PMM2: variants seen among roughly 807,000 people sequenced by gnomAD.
PMM2 encodes the protein mannose-6-phosphate isomerase.
PMM2 carries 35 observed loss-of-function variants against 33.2 expected under a neutral mutation model. That is an observed-to-expected ratio of 1.06 (90% CI 0.81 to 1.40). The LOEUF is 1.40. PMM2 is among the 40% of genes most tolerant of loss of function. The pLI is 0.00. For missense variants in PMM2, 386 were observed against 306.0 expected, an observed-to-expected ratio of 1.26 and a Z score of -1.95; for synonymous variants, 153 against 114.7, an observed-to-expected ratio of 1.33 and a Z score of -2.13.
At chr16:8,843,939 T>G (rs1182699912) in intron 7 of PMM2, among the ~76,000 whole-genome samples, 2 of 152,000 alleles carry the variant, frequency 1.3e-5, no homozygotes, top group Admixed American at 1.3e-4. Flanking sequence ...GGGTTGGGAC[T>G]GAGGGGACAG....
intron 7 of PMM2, among the ~76,000 whole-genome samples, chr16:8,838,178 T>C (rs1596503587): frequency 6.6e-6 from 1 of 152,034 alleles, no homozygotes; most frequent in African/African-American, 2.4e-5. Context: ...AAGTACATTC[T>C]CAAGAGTGGG....
At chr16:8,844,369 G>C (rs1486450212) in intron 7 of PMM2, among the ~76,000 whole-genome samples, 1 of 152,042 alleles carries the variant, frequency 6.6e-6, no homozygotes, top group African/African-American at 2.4e-5. Flanking sequence ...AGAAAAGCGG[G>C]AAAGGGGTTG....
intron 7 of PMM2, among the ~76,000 whole-genome samples, chr16:8,840,384 AAC>A (rs2060882135): frequency 1.3e-5 from 2 of 151,970 alleles, no homozygotes; most frequent in Non-Finnish European, 2.9e-5. Flanking sequence ...GGCTTGAAGA[AAC>A]AGTGTAAACC....
chr16:8,825,838 C>T (rs1419007789), intron 7 of PMM2, among the ~76,000 whole-genome samples: 2 of 151,050 alleles, frequency 1.3e-5, no homozygotes, highest in African/African-American at 2.4e-5. Flanking sequence ...TCACTGCAAC[C>T]TCTGCCTCTC....
At chr16:8,815,338 G>A (rs535657219) in intron 7 of PMM2, among the ~76,000 whole-genome samples, 2 of 150,882 alleles carry the variant, frequency 1.3e-5, no homozygotes, top group Admixed American at 6.6e-5. Context: ...AGTGATTCTC[G>A]TGCCTCAGCC....
Position 8,834,792 on chromosome 16 carries a change from G to A in PMM2, c.640-12932G>A, listed in dbSNP as rs1269361401. Among the ~76,000 whole-genome samples, 41 of 152,208 alleles carry A rather than the reference G, an allele frequency of 2.7e-4. 1 individual carries two copies. The highest frequency in any genetic ancestry group is 9.4e-4 in the African/African-American group (39 of 41,482). ...TGGAACCGCCATCAATAAATCAAGC[G>A]TGATCAGGGTGAGGAACAGGAAAGA... On this transcript the variant is annotated intron_variant, in intron 7 of 7. Coordinates refer to ENST00000268261, the MANE Select transcript of PMM2 (RefSeq NM_000303.3).
chr16:8,835,119 G>A (rs547840068), intron 7 of PMM2, among the ~76,000 whole-genome samples: 10 of 148,606 alleles, frequency 6.7e-5, no homozygotes, highest in African/African-American at 2.0e-4. Context: ...GCCGCTGCAC[G>A]CAGACATGAG....
intron 7 of PMM2, among the ~76,000 whole-genome samples, chr16:8,820,389 T>G (rs1465961004): frequency 6.8e-6 from 1 of 146,080 alleles, no homozygotes; most frequent in African/African-American, 2.7e-5. Flanking sequence ...GGTCTCACTC[T>G]GTCACCCAGA....
intron 7 of PMM2, among the ~76,000 whole-genome samples, chr16:8,846,582 G>C (rs1027262491): frequency 2.6e-5 from 4 of 152,058 alleles, no homozygotes; most frequent in African/African-American, 9.7e-5. Context: ...CTCAACTCAG[G>C]CACAGGACCC....
At chr16:8,802,812 A>G (rs1457491837) in intron 2 of PMM2, among the ~76,000 whole-genome samples, 2 of 143,346 alleles carry the variant, frequency 1.4e-5, no homozygotes, top group Non-Finnish European at 3.0e-5. Flanking sequence ...CCTGGGCAAT[A>G]AGAACGAAAC....
intron 7 of PMM2, among the ~76,000 whole-genome samples, chr16:8,821,852 A>G (rs1398746232): frequency 6.6e-6 from 1 of 152,234 alleles, no homozygotes; most frequent in Non-Finnish European, 1.5e-5. Context: ...CCATGCCCCA[A>G]ACAAGCATTT....
intron 2 of PMM2, chr16:8,802,205 C>A: frequency 2.1e-6 from 1 of 466,054 alleles, no homozygotes; most frequent in South Asian, 1.5e-5. Context: ...TGCTTGTACC[C>A]GTTGACAGCC....
At position 8,848,142 on chromosome 16, in the gene PMM2, T is replaced by G. The variant is rs1032533449; in HGVS notation, c.*317T>G. 1 of 349,298 alleles carries G rather than the reference T, an allele frequency of 2.9e-6. No individual in the cohort carries two copies. Among genetic ancestry groups the G allele is most frequent in the South Asian group, 2.6e-5 (1 of 37,866 alleles). 21.6% of individuals were successfully genotyped at this position (349,298 alleles called of 1,614,324 possible). A position where few individuals can be genotyped will look rare whatever the true frequency, so the allele number is the denominator to read the frequency against. The stretch of plus-strand genomic sequence containing the variant: ...TTTGGCGGAAATTTCCCCATCATTC[T>G]AGGATGATACAGAAAGAAAAACTGT... On this transcript the variant is annotated 3_prime_UTR_variant, in exon 8 of 8. Transcript: ENST00000268261.
At chr16:8,834,699 A>G (rs1248978709) in intron 7 of PMM2, among the ~76,000 whole-genome samples, 479 of 151,632 alleles carry the variant, frequency 3.2e-3, no homozygotes, top group Middle Eastern at 6.8e-3. Context: ...GAGACGTTCT[A>G]AGAGGCGGGC....
chr16:8,847,657 G>T, intron 7 of PMM2, 67 bp from the exon 8 acceptor site: 1 of 1,190,946 alleles, frequency 8.4e-7, no homozygotes, highest in Non-Finnish European at 1.3e-6. Context: ...TTGGACTCCA[G>T]GGTCACATCA....
intron 7 of PMM2, among the ~76,000 whole-genome samples, chr16:8,838,347 T>C (rs28855713): frequency 0.63 from 95,836 of 151,452 alleles, 30,793 homozygotes; most frequent in Middle Eastern, 0.72. Flanking sequence ...TCTGGATGTA[T>C]ACGTGCAAGT....
chr16:8,840,776 CTAAG>C (rs1362569544), intron 7 of PMM2, among the ~76,000 whole-genome samples: 11 of 152,032 alleles, frequency 7.2e-5, no homozygotes, highest in African/African-American at 2.4e-4. Context: ...CTATAGATGA[CTAAG>C]TAGGGTCCGG....
intron 1 of PMM2, among the ~76,000 whole-genome samples, chr16:8,798,414 C>T (rs1437876748): frequency 6.6e-6 from 1 of 152,208 alleles, no homozygotes; most frequent in Admixed American, 6.5e-5. Context: ...TTCAGCGAGT[C>T]ATTAACCTCT....
intron 4 of PMM2, chr16:8,808,089 T>A (rs1360926659): frequency 6.6e-6 from 1 of 152,136 alleles, no homozygotes; most frequent in Non-Finnish European, 1.5e-5. Flanking sequence ...CTGGGTGTAC[T>A]TCAGAGGCTG....
Sources: gnomAD v4.1 joint callset for allele counts (sites outside exome capture counted in the v4.1 genomes callset) on GRCh38, gnomAD v4.1.1 for gene constraint, MANE v1.5 for transcripts, NCBI Gene and HGNC (gene_info 2026-07-23, HGNC 2026-07-21) for gene names.